BLTP3B: variants seen among roughly 807,000 people sequenced by gnomAD.
BLTP3B encodes the protein UHRF1 (ICBP90) binding protein 1-like.
At chr12:100,038,245 A>G in the BLTP3B span, among the ~76,000 whole-genome samples, 11 of 152,052 alleles carry the variant, frequency 7.2e-5, no homozygotes, top group Non-Finnish European at 2.9e-5. Flanking sequence ...TTCTTGGATG[A>G]TCTTATCTCT....
chr12:100,142,435 G>A, the BLTP3B span, among the ~76,000 whole-genome samples: 1 of 152,096 alleles, frequency 6.6e-6, no homozygotes, highest in Non-Finnish European at 1.5e-5. Flanking sequence ...GGCGACAAGA[G>A]ATCCGGGGCC....
the BLTP3B span, chr12:100,037,603 G>A: frequency 6.2e-7 from 1 of 1,604,512 alleles, no homozygotes; most frequent in Admixed American, 1.7e-5. Flanking sequence ...TCCTACTCCA[G>A]AGCTATAATT....
chr12:100,058,550 T>C, the BLTP3B span: 1 of 1,612,452 alleles, frequency 6.2e-7, no homozygotes, highest in Non-Finnish European at 8.5e-7. Context: ...TTTGTTTTCT[T>C]TTTGAAGACA....
chr12:100,082,315 GATAA>G, the BLTP3B span, among the ~76,000 whole-genome samples: 1 of 152,240 alleles, frequency 6.6e-6, no homozygotes, highest in Non-Finnish European at 1.5e-5. Flanking sequence ...ACCTTTGTCA[GATAA>G]ATAATTTGTG....
the BLTP3B span, among the ~76,000 whole-genome samples, chr12:100,087,158 C>CAAAAAAAAAAA: frequency 1.7e-5 from 1 of 59,856 alleles, no homozygotes; most frequent in African/African-American, 6.3e-5. Flanking sequence ...GACTCCATCT[C>CAAAAAAAAAAA]AAAAAAAAAA....
chr12:100,080,773 G>A, the BLTP3B span, among the ~76,000 whole-genome samples: 1 of 142,002 alleles, frequency 7.0e-6, no homozygotes, highest in Admixed American at 7.1e-5. Flanking sequence ...GGACAGTTAG[G>A]AATGCATGAT....
At chr12:100,069,344 G>A in the BLTP3B span, among the ~76,000 whole-genome samples, 4,779 of 152,096 alleles carry the variant, frequency 0.031, 154 homozygotes, top group Non-Finnish European at 0.04. Flanking sequence ...AGCAAAACTC[G>A]CAATTACAAA....
At chr12:100,048,302 A>T in the BLTP3B span, 1 of 1,261,312 alleles carries the variant, frequency 7.9e-7, no homozygotes. Flanking sequence ...ATTTCCCCCT[A>T]GTTTAAATGA....
At chr12:100,136,582 A>G in the BLTP3B span, among the ~76,000 whole-genome samples, 1 of 151,998 alleles carries the variant, frequency 6.6e-6, no homozygotes, top group Non-Finnish European at 1.5e-5. Flanking sequence ...GCTTTACCAT[A>G]AAAGTTTATG....
the BLTP3B span, among the ~76,000 whole-genome samples, chr12:100,136,557 A>G: frequency 4.2e-3 from 643 of 152,254 alleles, 2 homozygotes; most frequent in Non-Finnish European, 8.2e-3. Flanking sequence ...TAAACTCTCA[A>G]AAATTATTTA....
At chr12:100,105,110 T>C in the BLTP3B span, among the ~76,000 whole-genome samples, 1 of 152,118 alleles carries the variant, frequency 6.6e-6, no homozygotes, top group Non-Finnish European at 1.5e-5. Context: ...AGTACTAACA[T>C]CATTTTTCAC....
chr12:100,137,203 T>G, the BLTP3B span, among the ~76,000 whole-genome samples: 1 of 152,162 alleles, frequency 6.6e-6, no homozygotes, highest in Non-Finnish European at 1.5e-5. Flanking sequence ...CCCTTCCAAT[T>G]ATCTCATTCC....
At chr12:100,128,724 C>T in the BLTP3B span, 46 of 1,286,726 alleles carry the variant, frequency 3.6e-5, no homozygotes, top group Non-Finnish European at 4.2e-5. Flanking sequence ...CAGCAGGGAA[C>T]GCTGCAGGGA....
At chr12:100,040,801 T>C in the BLTP3B span, among the ~76,000 whole-genome samples, 9 of 152,206 alleles carry the variant, frequency 5.9e-5, no homozygotes, top group South Asian at 1.2e-3. Flanking sequence ...AATAGACCTA[T>C]AGCTGAGAGA....
At chr12:100,142,208 C>A in the BLTP3B span, among the ~76,000 whole-genome samples, 3 of 152,196 alleles carry the variant, frequency 2.0e-5, no homozygotes, top group Admixed American at 2.0e-4. Context: ...GCACCGAACT[C>A]GAGTTAGAGC....
chr12:100,116,317 A>G, the BLTP3B span, among the ~76,000 whole-genome samples: 1 of 151,826 alleles, frequency 6.6e-6, no homozygotes, highest in African/African-American at 2.4e-5. Flanking sequence ...AGCTAAGCAT[A>G]GTGGCAGGGG....
the BLTP3B span, among the ~76,000 whole-genome samples, chr12:100,100,219 C>T: frequency 9.9e-5 from 15 of 152,034 alleles, 1 homozygote; most frequent in East Asian, 1.4e-3. Context: ...CTGAGAGGAT[C>T]GCTTCAGTAT....
the BLTP3B span, among the ~76,000 whole-genome samples, chr12:100,040,203 T>C: frequency 1.3e-5 from 2 of 152,026 alleles, no homozygotes; most frequent in South Asian, 2.1e-4. Context: ...TAAAACACTA[T>C]AAAGGAATAC....
the BLTP3B span, among the ~76,000 whole-genome samples, chr12:100,092,121 T>C: frequency 6.6e-6 from 1 of 152,214 alleles, no homozygotes; most frequent in Non-Finnish European, 1.5e-5. Context: ...TTAATAACTC[T>C]TAATTTTCAA....
Sources: allele counts gnomAD v4.1 joint callset (sites outside exome capture counted in the v4.1 genomes callset), GRCh38; gene constraint gnomAD v4.1.1; transcripts MANE v1.5; gene names NCBI Gene and HGNC (gene_info 2026-07-23, HGNC 2026-07-21).